MLIP: variants seen among roughly 807,000 people sequenced by gnomAD.
The protein encoded by MLIP is muscular LMNA interacting protein, also known as muscular LMNA-interacting protein.
MLIP carries 79 observed loss-of-function variants against 84.8 expected under a neutral mutation model. The observed-to-expected ratio is 0.93, with a 90% CI of 0.78 to 1.12. The LOEUF (loss-of-function observed/expected upper bound fraction) is 1.12. MLIP is among the 50% of genes most tolerant of loss of function. MLIP has a pLI of 0.00. For synonymous variants in MLIP, 504 were observed against 463.0 expected, an observed-to-expected ratio of 1.09 and a Z score of -1.14; for missense variants, 1,257 against 1,160.6, an observed-to-expected ratio of 1.08 and a Z score of -1.21.
At chr6:54,262,004 A>C (rs1463116436) in intron 13 of MLIP, among the ~76,000 whole-genome samples, 1 of 152,022 alleles carries the variant, frequency 6.6e-6, no homozygotes, top group Non-Finnish European at 1.5e-5. Context: ...AATTTGTCTT[A>C]TAAAAATAAA....
intron 12 of MLIP, among the ~76,000 whole-genome samples, chr6:54,240,803 C>T (rs1428035640): frequency 6.6e-6 from 1 of 152,058 alleles, no homozygotes; most frequent in East Asian, 1.9e-4. Flanking sequence ...GGTGAAACCC[C>T]ATCTCTACTA....
chr6:54,020,355 A>C (rs767894268), intron 1 of MLIP, among the ~76,000 whole-genome samples: 5 of 152,242 alleles, frequency 3.3e-5, no homozygotes, highest in Non-Finnish European at 5.9e-5. Flanking sequence ...GCACATGCCC[A>C]AAGTTTACTA....
At chr6:54,232,811 C>T (rs1373188103) in intron 12 of MLIP, among the ~76,000 whole-genome samples, 1 of 152,190 alleles carries the variant, frequency 6.6e-6, no homozygotes, top group Non-Finnish European at 1.5e-5. Context: ...TGCCTACTGG[C>T]CTATCTCCAA....
chr6:54,264,594 G>T (rs1008219076), intron 13 of MLIP, among the ~76,000 whole-genome samples: 1 of 152,014 alleles, frequency 6.6e-6, no homozygotes, highest in African/African-American at 2.4e-5. Flanking sequence ...AAAAGTATTA[G>T]CCAAATGATG....
intron 1 of MLIP, chr6:54,041,087 C>T (rs1269000168): frequency 6.6e-6 from 1 of 151,968 alleles, no homozygotes. Context: ...AAATTAAAAA[C>T]AAAAAATCTG....
At chr6:54,114,940 T>C (rs756228455) in intron 1 of MLIP, among the ~76,000 whole-genome samples, 4 of 152,214 alleles carry the variant, frequency 2.6e-5, no homozygotes, top group Non-Finnish European at 5.9e-5. Flanking sequence ...GTTGGGGGCC[T>C]TGAAAATTCT....
chr6:54,262,350 C>T (rs373395549), intron 13 of MLIP, among the ~76,000 whole-genome samples: 3 of 152,088 alleles, frequency 2.0e-5, no homozygotes, highest in Admixed American at 2.0e-4. Flanking sequence ...TCTCACCCTT[C>T]GTATAGCCAA....
chr6:54,086,611 C>A (rs1031146985), intron 1 of MLIP, among the ~76,000 whole-genome samples: 1 of 152,128 alleles, frequency 6.6e-6, no homozygotes, highest in Non-Finnish European at 1.5e-5. Context: ...AGCCAAAGTC[C>A]GTTATAGTGG....
chr6:54,256,334 G>A (rs1783003490), intron 12 of MLIP, among the ~76,000 whole-genome samples: 1 of 152,100 alleles, frequency 6.6e-6, no homozygotes, highest in Non-Finnish European at 1.5e-5. Flanking sequence ...TAAATTACTG[G>A]CCTCCTTCAA....
chr6:54,236,930 C>G (rs550823026), intron 12 of MLIP, among the ~76,000 whole-genome samples: 11 of 152,086 alleles, frequency 7.2e-5, no homozygotes, highest in African/African-American at 2.7e-4. Context: ...GAAAATGTAA[C>G]CAGAGACTTG....
In MLIP at chr6:54,138,020, T is replaced by G; in HGVS notation, c.1951T>G (p.Phe651Val). 1 of 1,536,114 alleles carries G rather than the reference T, an allele frequency of 6.5e-7. No individual in the cohort carries two copies. ...LPSLPVSSAD[F>V]ASLPNLRSSS... Reference sequence around the variant, plus strand: ...TTCACTCCCTGTCTCCAGTGCTGACTTTGCCTCTCTTCCCAACTTGAGGTC... The same window carrying G: ...TTCACTCCCTGTCTCCAGTGCTGACGTTGCCTCTCTTCCCAACTTGAGGTC... Residue 651 changes from phenylalanine (F) to valine (V), a missense_variant, in exon 4 of 14, where the codon TTT becomes GTT. By Grantham distance (50) the Phe-to-Val change is conservative. Coordinates refer to ENST00000502396, the MANE Select transcript of MLIP (RefSeq NM_001281747.2).
chr6:54,175,554 C>T (rs1313467350), intron 9 of MLIP, among the ~76,000 whole-genome samples: 1 of 151,812 alleles, frequency 6.6e-6, no homozygotes, highest in East Asian at 1.9e-4. Flanking sequence ...AGATTGTTCA[C>T]TATTGGTATG....
chr6:54,238,008 A>G (rs932092871), intron 12 of MLIP, among the ~76,000 whole-genome samples: 5 of 152,158 alleles, frequency 3.3e-5, no homozygotes, highest in Admixed American at 2.0e-4. Flanking sequence ...CTAATCTACT[A>G]TAGTCATTTT....
At chr6:54,212,568 C>T (rs1244691415) in intron 11 of MLIP, among the ~76,000 whole-genome samples, 1 of 152,166 alleles carries the variant, frequency 6.6e-6, no homozygotes, top group East Asian at 1.9e-4. Context: ...TGTGTGTGTG[C>T]ACATGCATGG....
At chr6:54,117,364 G>A (rs571207932) in intron 1 of MLIP, among the ~76,000 whole-genome samples, 6 of 151,546 alleles carry the variant, frequency 4.0e-5, no homozygotes, top group East Asian at 4.0e-4. Context: ...ACAGGCACCC[G>A]CCACGACGCC....
intron 5 of MLIP, among the ~76,000 whole-genome samples, chr6:54,153,701 A>AT (rs1310441698): frequency 6.6e-6 from 1 of 151,870 alleles, no homozygotes; most frequent in Non-Finnish European, 1.5e-5. Flanking sequence ...TACAAAAAAA[A>AT]TTTAACTGGG....
At chr6:54,252,514 CATATAAT>C (rs1352819407) in intron 12 of MLIP, among the ~76,000 whole-genome samples, 1 of 138,814 alleles carries the variant, frequency 7.2e-6, no homozygotes, top group Non-Finnish European at 1.5e-5. Context: ...TATATTATAA[CATATAAT>C]ATATAATATA....
intron 1 of MLIP, among the ~76,000 whole-genome samples, chr6:54,081,393 ATT>A (rs35719855): frequency 3.3e-5 from 5 of 150,754 alleles, no homozygotes; most frequent in African/African-American, 7.4e-5. Context: ...GGGTCCACAT[ATT>A]TTTTTTTTGT....
At chr6:54,056,746 A>G (rs1293773997) in intron 1 of MLIP, among the ~76,000 whole-genome samples, 2 of 152,158 alleles carry the variant, frequency 1.3e-5, no homozygotes, top group Non-Finnish European at 2.9e-5. Flanking sequence ...TTAGTGAAAC[A>G]TTTCTCTTAT....
Sources: gnomAD v4.1 joint callset for allele counts (sites outside exome capture counted in the v4.1 genomes callset) on GRCh38, gnomAD v4.1.1 for gene constraint, MANE v1.5 for transcripts, NCBI Gene and HGNC (gene_info 2026-07-23, HGNC 2026-07-21) for gene names.